Variants in NRP1 observed in about 807,000 individuals in gnomAD.
NRP1 encodes the protein neuropilin-1.
Under a neutral mutation model 106.7 loss-of-function variants are expected in NRP1, and 35 were observed. The observed-to-expected ratio is 0.33, with a 90% CI of 0.25 to 0.43. NRP1 has a LOEUF of 0.43. Ranked by LOEUF, NRP1 falls within the 20% of genes least tolerant of loss-of-function variation. The pLI, the probability that NRP1 is intolerant of heterozygous loss-of-function variation, is 1.00. For missense variants in NRP1, 1,024 were observed against 1,170.4 expected, an observed-to-expected ratio of 0.87 and a Z score of 1.83; for synonymous variants, 437 against 417.9, an observed-to-expected ratio of 1.05 and a Z score of -0.56.
At chr10:33,315,513 A>G (rs1407129813) in intron 2 of NRP1, among the ~76,000 whole-genome samples, 1 of 152,242 alleles carries the variant, frequency 6.6e-6, no homozygotes, top group Non-Finnish European at 1.5e-5. Context: ...TCCATTGGCC[A>G]ATTCAATTTG....
intron 12 of NRP1, 85 bp downstream of exon 12, chr10:33,197,565 T>C: frequency 9.3e-7 from 1 of 1,071,652 alleles, no homozygotes; most frequent in Non-Finnish European, 1.4e-6. Flanking sequence ...TTCTAGGACT[T>C]TCAGAGAAAC....
chr10:33,241,258 C>T (rs1276738652), intron 6 of NRP1, among the ~76,000 whole-genome samples: 1 of 152,126 alleles, frequency 6.6e-6, no homozygotes, highest in Non-Finnish European at 1.5e-5. Flanking sequence ...CAAGGCATAG[C>T]ATTATTCCGT....
rs12266333 is a variant in NRP1 at position 33,256,976 on chromosome 10, A to G, written c.659-505T>C. 9.6e-3 allele frequency among the ~76,000 whole-genome samples: 1,459 copies of G among 152,262 alleles called. 20 individuals are homozygous for G. The highest frequency in any genetic ancestry group is 0.032 in the African/African-American group (1,338 of 41,532). Reference sequence around the variant, plus strand: ...GGGTCTGATCCACGATTGACCTGCAATTGGCTTCCTCATGCTATCTTTTAG... The same window carrying G: ...GGGTCTGATCCACGATTGACCTGCAGTTGGCTTCCTCATGCTATCTTTTAG... On this transcript the variant is annotated intron_variant, in intron 4 of 16. Coordinates refer to ENST00000374867, the MANE Select transcript of NRP1 (RefSeq NM_003873.7).
Position 33,256,599 on chromosome 10 carries a change from C to T in NRP1, c.659-128G>A. 4 of 986,962 alleles carry T rather than the reference C, an allele frequency of 4.1e-6. No individual in the cohort carries two copies. The South Asian group carries it at 4.8e-5, about 12-fold the overall frequency. 61.1% of individuals were successfully genotyped at this position (986,962 alleles called of 1,614,324 possible). On this transcript the variant is annotated intron_variant, in intron 4 of 16. Coordinates refer to ENST00000374867, the MANE Select transcript of NRP1 (RefSeq NM_003873.7). ...TTTTCTAACCCAAAGCAAGGCTTCC[C>T]TAAGTTAATTGGTTTGCTGTGAACA...
intron 3 of NRP1, among the ~76,000 whole-genome samples, chr10:33,264,658 C>T (rs1379086483): frequency 6.6e-6 from 1 of 152,114 alleles, no homozygotes; most frequent in East Asian, 1.9e-4. Context: ...CTGTTCAGTA[C>T]CACCAGGACT....
At chr10:33,263,577 C>T (rs778030461) in intron 4 of NRP1, 69 bp downstream of exon 4, 3 of 1,162,228 alleles carry the variant, frequency 2.6e-6, no homozygotes, top group Non-Finnish European at 3.8e-6. Flanking sequence ...TATCATGAGA[C>T]TTGTAAAAGA....
intron 6 of NRP1, among the ~76,000 whole-genome samples, chr10:33,226,790 T>G (rs536884953): frequency 3.4e-4 from 52 of 152,334 alleles, no homozygotes; most frequent in African/African-American, 1.3e-3. Context: ...CCATTGCCAA[T>G]CAGAAAATCT....
At chr10:33,219,232 T>C (rs187485274) in intron 8 of NRP1, among the ~76,000 whole-genome samples, 1 of 152,330 alleles carries the variant, frequency 6.6e-6, no homozygotes, top group Admixed American at 6.5e-5. Context: ...CTCCTCATTA[T>C]AGTTGCATTA....
chr10:33,318,963 C>CGG (rs1212185931), intron 2 of NRP1, among the ~76,000 whole-genome samples: 3 of 149,678 alleles, frequency 2.0e-5, no homozygotes, highest in Non-Finnish European at 3.0e-5. Flanking sequence ...ACTGGACTTC[C>CGG]GGGGTCGAGT....
chr10:33,292,204 T>C (rs1564460996), intron 2 of NRP1, among the ~76,000 whole-genome samples: 1 of 152,180 alleles, frequency 6.6e-6, no homozygotes, highest in South Asian at 2.1e-4. Context: ...CCCACAGATT[T>C]AGTTGTGAAG....
chr10:33,304,934 G>A (rs1383200448), intron 2 of NRP1, among the ~76,000 whole-genome samples: 2 of 152,370 alleles, frequency 1.3e-5, no homozygotes, highest in African/African-American at 4.8e-5. Flanking sequence ...CATGCAACCA[G>A]ATTGACTTAA....
At chr10:33,199,365 T>TTATATATATATATATATATATATATA (rs57582967) in intron 11 of NRP1, among the ~76,000 whole-genome samples, 7 of 64,270 alleles carry the variant, frequency 1.1e-4, no homozygotes, top group East Asian at 1.6e-3. Flanking sequence ...CCTGGCTGTT[T>TTATATATATATATATATATATATATA]TCTATATATA....
At chr10:33,209,083 T>G (rs1264042278) in intron 9 of NRP1, among the ~76,000 whole-genome samples, 1 of 150,842 alleles carries the variant, frequency 6.6e-6, no homozygotes, top group Non-Finnish European at 1.5e-5. Flanking sequence ...ATTTTTGTAT[T>G]TTTAGTAGAG....
At chr10:33,197,788 G>T in intron 11 of NRP1, 79 bp from the exon 12 acceptor site, 1 of 741,296 alleles carries the variant, frequency 1.3e-6, no homozygotes. Context: ...GCTTACAAAT[G>T]TCTATCAGAG....
At chr10:33,312,898 C>A (rs1166718972) in intron 2 of NRP1, among the ~76,000 whole-genome samples, 2 of 151,966 alleles carry the variant, frequency 1.3e-5, no homozygotes, top group African/African-American at 4.8e-5. Context: ...TGTTAGTGAT[C>A]AAATCCGAGT....
chr10:33,204,148 G>A (rs1837574843), intron 10 of NRP1, among the ~76,000 whole-genome samples: 1 of 152,004 alleles, frequency 6.6e-6, no homozygotes, highest in Admixed American at 6.6e-5. Flanking sequence ...TCTCGTGATG[G>A]CTGAGAACCA....
At chr10:33,198,153 T>TTA (rs1836941197) in intron 11 of NRP1, among the ~76,000 whole-genome samples, 1 of 150,274 alleles carries the variant, frequency 6.7e-6, no homozygotes, top group Admixed American at 6.6e-5. Flanking sequence ...AATTTTTTTT[T>TTA]TTTTTTGAGA....
At chr10:33,207,203 G>A (rs1270533643) in intron 10 of NRP1, among the ~76,000 whole-genome samples, 3 of 152,214 alleles carry the variant, frequency 2.0e-5, no homozygotes, top group Non-Finnish European at 4.4e-5. Context: ...TTTGGAACTA[G>A]AAAGAGGGTA....
intron 2 of NRP1, among the ~76,000 whole-genome samples, chr10:33,318,520 A>G (rs77253666): frequency 0.026 from 3,929 of 152,054 alleles, 92 homozygotes; most frequent in Non-Finnish European, 0.033. Context: ...GAAGGACTGA[A>G]CCTATGTATT....
Sources: gnomAD v4.1 joint callset for allele counts (sites outside exome capture counted in the v4.1 genomes callset) on GRCh38, gnomAD v4.1.1 for gene constraint, MANE v1.5 for transcripts, NCBI Gene and HGNC (gene_info 2026-07-23, HGNC 2026-07-21) for gene names.